PACRG: variants seen among roughly 807,000 people sequenced by gnomAD.
PACRG encodes parkin coregulated.
In PACRG, 29 loss-of-function variants were observed where a neutral mutation model predicts 29.7. That is an observed-to-expected ratio of 0.98 (90% CI 0.73 to 1.33). PACRG has a LOEUF of 1.33. PACRG is among the 40% of genes most tolerant of loss of function. PACRG has a pLI of 0.00. For missense variants in PACRG, 279 were observed against 316.2 expected (o/e 0.88, Z 0.89); for synonymous variants, 116 against 118.7 (o/e 0.98, Z 0.15).
intron 1 of PACRG, among the ~76,000 whole-genome samples, chr6:162,774,275 G>C (rs1783470872): frequency 6.6e-6 from 1 of 152,158 alleles, no homozygotes; most frequent in South Asian, 2.1e-4. Context: ...AATAGCTGCA[G>C]ACTCAATTAT....
At chr6:163,093,172 G>A (rs1436812057) in intron 4 of PACRG, among the ~76,000 whole-genome samples, 1 of 152,194 alleles carries the variant, frequency 6.6e-6, no homozygotes, top group Non-Finnish European at 1.5e-5. Flanking sequence ...TATTTACAAA[G>A]GAGAAACCTC....
At chr6:163,127,241 G>A (rs1238330551) in intron 4 of PACRG, among the ~76,000 whole-genome samples, 2 of 152,208 alleles carry the variant, frequency 1.3e-5, no homozygotes, top group Non-Finnish European at 2.9e-5. Context: ...AACTTTTCTC[G>A]AAGGCATCAT....
chr6:162,800,197 A>G (rs1785740561), intron 1 of PACRG, among the ~76,000 whole-genome samples: 1 of 152,230 alleles, frequency 6.6e-6, no homozygotes, highest in Non-Finnish European at 1.5e-5. Flanking sequence ...AACTGCAAGA[A>G]GAAGGCAGCT....
intron 2 of PACRG, among the ~76,000 whole-genome samples, chr6:162,959,390 C>T (rs1262034279): frequency 6.6e-6 from 1 of 151,968 alleles, no homozygotes; most frequent in African/African-American, 2.4e-5. Flanking sequence ...GATGAAGGTC[C>T]ACCACACGCA....
intron 4 of PACRG, among the ~76,000 whole-genome samples, chr6:163,103,779 C>T (rs1043432204): frequency 1.3e-5 from 2 of 152,154 alleles, no homozygotes; most frequent in African/African-American, 4.8e-5. Flanking sequence ...AAATTAACTG[C>T]CAACATTTAG....
intron 4 of PACRG, among the ~76,000 whole-genome samples, chr6:163,237,757 CT>C (rs1482746044): frequency 6.6e-6 from 1 of 152,134 alleles, no homozygotes; most frequent in Non-Finnish European, 1.5e-5. Context: ...AAAACTCTTT[CT>C]TTATAGAAGT....
intron 4 of PACRG, among the ~76,000 whole-genome samples, chr6:163,148,996 T>C (rs1777948251): frequency 8.9e-6 from 1 of 112,686 alleles, no homozygotes; most frequent in Admixed American, 1.2e-4. Flanking sequence ...AAAATGTCCC[T>C]GACGTCTGTT....
intron 3 of PACRG, among the ~76,000 whole-genome samples, chr6:163,084,920 C>T (rs574498043): frequency 3.9e-5 from 5 of 127,514 alleles, no homozygotes; most frequent in Non-Finnish European, 8.2e-5. Flanking sequence ...TTCTACAGGG[C>T]AAACTTCTTC....
chr6:162,823,483 G>T (rs1584462931), intron 2 of PACRG, among the ~76,000 whole-genome samples: 1 of 147,102 alleles, frequency 6.8e-6, no homozygotes, highest in African/African-American at 2.5e-5. Flanking sequence ...CTTTATCCTT[G>T]TTTTAACTTC....
intron 2 of PACRG, among the ~76,000 whole-genome samples, chr6:163,009,666 A>G (rs574210103): frequency 2.4e-4 from 37 of 152,316 alleles, no homozygotes; most frequent in African/African-American, 8.4e-4. Flanking sequence ...CTGCATCCTT[A>G]CAGTGATGAA....
intron 1 of PACRG, among the ~76,000 whole-genome samples, chr6:162,770,119 C>G (rs1347414151): frequency 6.6e-6 from 1 of 152,092 alleles, no homozygotes; most frequent in African/African-American, 2.4e-5. Context: ...CAGATAGGTC[C>G]TAGAGTAATG....
At chr6:162,819,970 C>T (rs1787697510) in intron 2 of PACRG, among the ~76,000 whole-genome samples, 1 of 152,042 alleles carries the variant, frequency 6.6e-6, no homozygotes, top group African/African-American at 2.4e-5. Flanking sequence ...AATTTGAATC[C>T]ATAGCACTTT....
chr6:163,156,634 A>G (rs962498982), intron 4 of PACRG, among the ~76,000 whole-genome samples: 2 of 152,204 alleles, frequency 1.3e-5, no homozygotes, highest in Non-Finnish European at 2.9e-5. Flanking sequence ...TTGGGGGCCT[A>G]AAACAGCAGA....
rs140914627 is a variant in PACRG, at chr6:162,926,185, C to T, written c.291+111904C>T. Among the ~76,000 whole-genome samples, 4 of 152,182 alleles carry T rather than the reference C, an allele frequency of 2.6e-5. No homozygotes were observed. The East Asian group carries it at 7.7e-4, about 29-fold the overall frequency. ...CAAACAAATGCAAATATATTCCATC[C>T]TCATGGATAGGAAGAATCAATATCA... On this transcript the variant is annotated intron_variant, in intron 2 of 4. Transcript: ENST00000366888.
At chr6:163,017,254 G>A (rs189316272) in intron 2 of PACRG, among the ~76,000 whole-genome samples, 7 of 152,228 alleles carry the variant, frequency 4.6e-5, no homozygotes, top group Admixed American at 6.5e-5. Context: ...AAATATAAAC[G>A]TGGGGGGAGA....
At chr6:162,947,571 C>A (rs1205483002) in intron 2 of PACRG, among the ~76,000 whole-genome samples, 12 of 37,744 alleles carry the variant, frequency 3.2e-4, no homozygotes, top group South Asian at 1.3e-3. Flanking sequence ...TATATATATA[C>A]TCATATATAA....
chr6:162,788,897 T>G (rs2128323550), intron 1 of PACRG, among the ~76,000 whole-genome samples: 1 of 152,274 alleles, frequency 6.6e-6, no homozygotes, highest in Non-Finnish European at 1.5e-5. Context: ...TATATTAGAA[T>G]AACAGGCTTT....
intron 1 of PACRG, among the ~76,000 whole-genome samples, chr6:162,804,626 C>T (rs1166812001): frequency 6.6e-6 from 1 of 152,088 alleles, no homozygotes; most frequent in African/African-American, 2.4e-5. Context: ...CATGCTTGGA[C>T]CACTGCATTG....
chr6:162,738,778 T>C (rs1188803241), intron 1 of PACRG, among the ~76,000 whole-genome samples: 2 of 152,234 alleles, frequency 1.3e-5, no homozygotes, highest in African/African-American at 4.8e-5. Context: ...TAAACATTAT[T>C]TTCCCCATAG....
Sources: allele counts gnomAD v4.1 joint callset (sites outside exome capture counted in the v4.1 genomes callset), GRCh38; gene constraint gnomAD v4.1.1; transcripts MANE v1.5; gene names NCBI Gene and HGNC (gene_info 2026-07-23, HGNC 2026-07-21).